Variants in MFF observed in about 807,000 individuals in gnomAD.
The protein encoded by MFF is mitochondrial fission factor, also known as chromosome 2 open reading frame 33.
Under a neutral mutation model 36.9 loss-of-function variants are expected in MFF, and 12 were observed. That is an observed-to-expected ratio of 0.33 (90% confidence interval 0.21 to 0.53). The LOEUF (loss-of-function observed/expected upper bound fraction) is 0.53, where lower values mean the gene tolerates loss of function less well. Ranked by LOEUF, MFF falls within the 20% of genes least tolerant of loss-of-function variation. The pLI is 0.95. For synonymous variants in MFF, 99 were observed against 126.2 expected, an observed-to-expected ratio of 0.78 and a Z score of 1.44; for missense variants, 348 against 366.6, an observed-to-expected ratio of 0.95 and a Z score of 0.42.
intron 7 of MFF, 117 bp from the exon 8 acceptor site, chr2:227,355,560 T>C: frequency 5.7e-6 from 3 of 528,692 alleles, no homozygotes; most frequent in Non-Finnish European, 1.0e-5. Context: ...TAATTCATAT[T>C]ATTAAGTACC....
chr2:227,343,135 A>G (rs1218997696), intron 5 of MFF, among the ~76,000 whole-genome samples: 1 of 151,816 alleles, frequency 6.6e-6, no homozygotes, highest in East Asian at 1.9e-4. Context: ...ATAGTTCTCA[A>G]CAGATTCAAC....
At chr2:227,342,722 AAG>A (rs759976495) in intron 5 of MFF, 2 of 1,589,570 alleles carry the variant, frequency 1.3e-6, no homozygotes, top group Admixed American at 3.4e-5. Context: ...GAATATGTAA[AAG>A]AAGCATAATT....
chr2:227,341,903 G>T (rs13386512), intron 5 of MFF, among the ~76,000 whole-genome samples: 3,932 of 151,882 alleles, frequency 0.026, 175 homozygotes, highest in African/African-American at 0.089. Context: ...TTTTTCTCCC[G>T]AAGTATATAT....
intron 5 of MFF, among the ~76,000 whole-genome samples, chr2:227,342,398 A>C (rs2075444857): frequency 6.6e-6 from 1 of 152,186 alleles, no homozygotes; most frequent in Non-Finnish European, 1.5e-5. Context: ...TTGTTAACGT[A>C]GTGAGGAAAA....
At chr2:227,334,752 G>A (rs139337295) in intron 4 of MFF, among the ~76,000 whole-genome samples, 135 of 152,206 alleles carry the variant, frequency 8.9e-4, no homozygotes, top group African/African-American at 3.1e-3. Flanking sequence ...CGTCTTCCAA[G>A]TCATGATATC....
intron 2 of MFF, chr2:227,329,064 C>T (rs1046700123): frequency 6.6e-6 from 1 of 152,294 alleles, no homozygotes; most frequent in African/African-American, 2.4e-5. Context: ...TGTATACTGT[C>T]TTTAACTTTT....
chr2:227,338,847 A>C (rs1001460882), intron 4 of MFF, among the ~76,000 whole-genome samples: 1 of 151,544 alleles, frequency 6.6e-6, no homozygotes, highest in African/African-American at 2.4e-5. Flanking sequence ...AAAAAAACAA[A>C]AAAAAAAACC....
At chr2:227,329,430 A>AT (rs1218131966) in intron 2 of MFF, 1 of 292,852 alleles carries the variant, frequency 3.4e-6, no homozygotes, top group Non-Finnish European at 6.4e-6. Flanking sequence ...TGTCTTTATG[A>AT]TTTTTGAGGT....
At chr2:227,329,937 CAT>C (rs1297074133) in intron 2 of MFF, 1 of 485,338 alleles carries the variant, frequency 2.1e-6, no homozygotes, top group African/African-American at 2.0e-5. Context: ...AAAAAAAACA[CAT>C]GTAAATATGA....
rs1319516798 is a variant in MFF, at chr2:227,332,470, A to G, written c.233A>G (p.Gln78Arg). 4 of 1,613,490 alleles carry G rather than the reference A, an allele frequency of 2.5e-6. No homozygotes were observed. In the African/African-American group the frequency reaches 5.3e-5, roughly 22 times the overall value. ...AGACCAGCAGATCTTGACCTTATTC[A>G]GTCAACTCCCTTTAAACCCCTGGCA... The part of the protein sequence containing the change: ...FSRPADLDLI[Q>R]STPFKPLALK... The change falls in exon 4 of 9, where the codon CAG (glutamine) becomes CGG (arginine). Residue 78 changes from glutamine to arginine, a missense_variant. By Grantham distance (43) the Gln-to-Arg change is conservative (BLOSUM62 1). Coordinates refer to ENST00000304593, the MANE Select transcript of MFF (RefSeq NM_001277062.2).
intron 4 of MFF, among the ~76,000 whole-genome samples, chr2:227,337,915 T>A (rs1559961506): frequency 4.0e-5 from 6 of 150,472 alleles, no homozygotes; most frequent in Admixed American, 2.0e-4. Flanking sequence ...GGTCATGGTG[T>A]GTACCTGTAA....
At position 227,356,993 on chromosome 2, in the gene MFF, A is replaced by C; in HGVS notation, c.752A>C (p.Lys251Thr). The C allele has an allele frequency of 1.2e-6, 2 of 1,610,966 alleles. No individual in the cohort carries two copies. Among genetic ancestry groups the C allele is most frequent in the Non-Finnish European group, 1.7e-6 (2 of 1,178,356 alleles). The change falls in exon 9 of 9, where the codon AAA becomes ACA. Residue 251 changes from lysine (K) to threonine (T), a missense_variant. Coordinates refer to ENST00000304593, the MANE Select transcript of MFF (RefSeq NM_001277062.2). Reference sequence around the variant, plus strand: ...TGTTTGTTTTTCACTTAGATAATCAAACTAAATAGACGTCTACAACTTCTG... The same window carrying C: ...TGTTTGTTTTTCACTTAGATAATCACACTAAATAGACGTCTACAACTTCTG... Reference protein sequence around the residue: ...DAASLRRQIIKLNRRLQLLEE... With the variant: ...DAASLRRQIITLNRRLQLLEE...
chr2:227,356,253 A>C (rs551059452), intron 8 of MFF, among the ~76,000 whole-genome samples: 1 of 152,316 alleles, frequency 6.6e-6, no homozygotes, highest in East Asian at 1.9e-4. Context: ...TGAAGAAGGC[A>C]TAGTTGGTTT....
chr2:227,344,089 T>C (rs2075572034), intron 5 of MFF, among the ~76,000 whole-genome samples: 1 of 152,138 alleles, frequency 6.6e-6, no homozygotes, highest in Non-Finnish European at 1.5e-5. Flanking sequence ...TGCCCAGCCC[T>C]GGTGTTGTTT....
At chr2:227,345,888 A>G (rs139554734) in intron 5 of MFF, among the ~76,000 whole-genome samples, 1 of 152,270 alleles carries the variant, frequency 6.6e-6, no homozygotes, top group East Asian at 1.9e-4. Context: ...CCTAAATCCT[A>G]TAGTGAATCA....
At chr2:227,351,522 A>G (rs2106453277) in intron 6 of MFF, among the ~76,000 whole-genome samples, 1 of 152,322 alleles carries the variant, frequency 6.6e-6, no homozygotes, top group South Asian at 2.1e-4. Flanking sequence ...GCAAAACCAG[A>G]TCAGTTACTT....
intron 6 of MFF, chr2:227,352,190 AC>A (rs1313178586): frequency 4.6e-6 from 1 of 219,068 alleles, no homozygotes; most frequent in Admixed American, 5.4e-5. Flanking sequence ...AAGGAATTAC[AC>A]TTTTTAAGCA....
chr2:227,356,134 G>T (rs987752765), intron 8 of MFF, among the ~76,000 whole-genome samples: 2 of 152,096 alleles, frequency 1.3e-5, no homozygotes, highest in East Asian at 1.9e-4. Context: ...CCCTGCATAC[G>T]TATTTCCTGT....
intron 1 of MFF, among the ~76,000 whole-genome samples, chr2:227,328,338 C>T (rs1459769023): frequency 7.5e-6 from 1 of 133,984 alleles, no homozygotes; most frequent in Admixed American, 7.8e-5. Context: ...ATTTGTTCTT[C>T]TTTAACATAT....
Sources: gnomAD v4.1 joint callset for allele counts (sites outside exome capture counted in the v4.1 genomes callset) on GRCh38, gnomAD v4.1.1 for gene constraint, MANE v1.5 for transcripts, NCBI Gene and HGNC (gene_info 2026-07-23, HGNC 2026-07-21) for gene names.